The following CNTN1 variants were observed in gnomAD, a reference collection of about 807,000 sequenced individuals.
CNTN1 encodes the protein contactin 1.
In CNTN1, 38 loss-of-function variants were observed where a neutral mutation model predicts 126.4. The ratio of observed to expected loss-of-function variants is 0.30; its 90% CI spans 0.23 to 0.39. The LOEUF is 0.39. Ranked by LOEUF, CNTN1 falls within the 10% of genes least tolerant of loss-of-function variation. CNTN1 has a pLI of 1.00. For missense variants in CNTN1, 1,009 were observed against 1,248.4 expected, an observed-to-expected ratio of 0.81 and a Z score of 2.89; for synonymous variants, 413 against 422.6, an observed-to-expected ratio of 0.98 and a Z score of 0.28.
chr12:40,825,089 G>A (rs1941567581), intron 1 of CNTN1, among the ~76,000 whole-genome samples: 1 of 152,128 alleles, frequency 6.6e-6, no homozygotes, highest in Non-Finnish European at 1.5e-5. Flanking sequence ...CTAGCATCTA[G>A]TGCAATTCCT....
chr12:40,859,043 G>A (rs1182654537), intron 1 of CNTN1, among the ~76,000 whole-genome samples: 1 of 151,990 alleles, frequency 6.6e-6, no homozygotes, highest in South Asian at 2.1e-4. Flanking sequence ...TTAATACCTA[G>A]GTGATGGGTT....
At chr12:40,984,097 A>G (rs1947892784) in intron 16 of CNTN1, among the ~76,000 whole-genome samples, 1 of 150,032 alleles carries the variant, frequency 6.7e-6, no homozygotes, top group South Asian at 2.1e-4. Context: ...AAACACTTTT[A>G]TACTCAGTGA....
chr12:41,044,965 C>T (rs1949509423), intron 23 of CNTN1, among the ~76,000 whole-genome samples: 1 of 151,942 alleles, frequency 6.6e-6, no homozygotes, highest in Non-Finnish European at 1.5e-5. Flanking sequence ...ATGATATATG[C>T]ATGAATAAAT....
chr12:41,047,458 A>G (rs1949569678), intron 23 of CNTN1, among the ~76,000 whole-genome samples: 1 of 151,902 alleles, frequency 6.6e-6, no homozygotes, highest in South Asian at 2.1e-4. Flanking sequence ...GTTCTCTCTC[A>G]TACCCCTTGA....
At chr12:41,014,676 A>T (rs1440614798) in intron 18 of CNTN1, among the ~76,000 whole-genome samples, 1 of 152,186 alleles carries the variant, frequency 6.6e-6, no homozygotes, top group African/African-American at 2.4e-5. Flanking sequence ...CCATTTTTAA[A>T]TTGGAGACTG....
chr12:40,968,398 T>C (rs529301447), intron 15 of CNTN1, among the ~76,000 whole-genome samples: 1 of 151,368 alleles, frequency 6.6e-6, no homozygotes, highest in Non-Finnish European at 1.5e-5. Context: ...ATAGTAGTTA[T>C]TTTTTTTTCA....
intron 1 of CNTN1, among the ~76,000 whole-genome samples, chr12:40,784,547 G>A (rs1314766705): frequency 6.6e-6 from 1 of 152,112 alleles, no homozygotes; most frequent in Non-Finnish European, 1.5e-5. Context: ...TGCTGAGCGG[G>A]CTAGAAAAGA....
At chr12:40,722,600 A>G (rs1311230083) in intron 1 of CNTN1, among the ~76,000 whole-genome samples, 1 of 152,160 alleles carries the variant, frequency 6.6e-6, no homozygotes, top group Non-Finnish European at 1.5e-5. Flanking sequence ...CGATATATAC[A>G]TATACATACA....
intron 1 of CNTN1, among the ~76,000 whole-genome samples, chr12:40,778,835 G>A (rs985290791): frequency 5.9e-5 from 9 of 151,916 alleles, no homozygotes; most frequent in Admixed American, 1.3e-4. Flanking sequence ...AGTCCATTTA[G>A]TAGTTTTAGA....
intron 17 of CNTN1, among the ~76,000 whole-genome samples, chr12:40,995,785 TAATC>T: frequency 6.6e-6 from 1 of 152,348 alleles, no homozygotes; most frequent in African/African-American, 2.4e-5. Flanking sequence ...ACACATTTGT[TAATC>T]TATCATCAGA....
intron 1 of CNTN1, among the ~76,000 whole-genome samples, chr12:40,780,723 G>T (rs1416044156): frequency 6.7e-6 from 1 of 148,338 alleles, no homozygotes; most frequent in East Asian, 2.0e-4. Flanking sequence ...TCATTTCAAG[G>T]TTCATCTCAA....
At chr12:41,030,632 TAA>T (rs1343745614) in intron 23 of CNTN1, among the ~76,000 whole-genome samples, 1 of 152,138 alleles carries the variant, frequency 6.6e-6, no homozygotes. Flanking sequence ...GCAAACTCAT[TAA>T]AGTTTTTTTC....
intron 1 of CNTN1, among the ~76,000 whole-genome samples, chr12:40,812,353 C>T (rs1343688042): frequency 6.6e-6 from 1 of 152,052 alleles, no homozygotes; most frequent in Non-Finnish European, 1.5e-5. Flanking sequence ...ATGTATTCTG[C>T]TGCTGTTGGA....
At chr12:40,708,032 A>G (rs993944473) in intron 1 of CNTN1, among the ~76,000 whole-genome samples, 2 of 152,228 alleles carry the variant, frequency 1.3e-5, no homozygotes, top group Non-Finnish European at 2.9e-5. Flanking sequence ...AATAGAAATT[A>G]TATTATGATC....
chr12:40,982,080 C>T (rs905220104), intron 16 of CNTN1, among the ~76,000 whole-genome samples: 5 of 151,994 alleles, frequency 3.3e-5, no homozygotes, highest in East Asian at 1.9e-4. Context: ...CTATTTGATA[C>T]TTCTCTCCCT....
At chr12:41,028,760 G>T (rs1228484562) in intron 22 of CNTN1, among the ~76,000 whole-genome samples, 2 of 151,934 alleles carry the variant, frequency 1.3e-5, no homozygotes, top group African/African-American at 4.8e-5. Flanking sequence ...TTCTCATTTT[G>T]GACTTTTTTC....
At chr12:40,725,462 TTC>T (rs971995633) in intron 1 of CNTN1, among the ~76,000 whole-genome samples, 1 of 151,824 alleles carries the variant, frequency 6.6e-6, no homozygotes, top group Non-Finnish European at 1.5e-5. Context: ...GGGAAATTTT[TTC>T]TCTTTTTCTC....
intron 1 of CNTN1, among the ~76,000 whole-genome samples, chr12:40,856,034 A>C: frequency 6.6e-6 from 1 of 152,116 alleles, no homozygotes; most frequent in Non-Finnish European, 1.5e-5. Context: ...AATGCACATT[A>C]AATTTTGGGT....
chr12:40,968,118 G>T (rs998510082), intron 15 of CNTN1, among the ~76,000 whole-genome samples: 1 of 151,906 alleles, frequency 6.6e-6, no homozygotes, highest in Non-Finnish European at 1.5e-5. Context: ...ATCACTAAAG[G>T]TCACAAAGCT....
Sources: gnomAD v4.1 joint callset for allele counts (sites outside exome capture counted in the v4.1 genomes callset) on GRCh38, gnomAD v4.1.1 for gene constraint, MANE v1.5 for transcripts, NCBI Gene and HGNC (gene_info 2026-07-23, HGNC 2026-07-21) for gene names.